Variants in NAV1 observed in about 807,000 individuals in gnomAD.
The protein encoded by NAV1 is pore membrane and/or filament interacting like protein 3.
A neutral mutation model predicts 175.2 loss-of-function variants in NAV1; 18 were observed. That is an observed-to-expected ratio of 0.10 (90% CI 0.07 to 0.15). The LOEUF (loss-of-function observed/expected upper bound fraction) is 0.15, where lower values mean the gene tolerates loss of function less well. NAV1 is among the 10% of genes least tolerant of loss of function. NAV1 has a pLI of 1.00. For synonymous variants in NAV1, 897 were observed against 978.7 expected (o/e 0.92, Z 1.56); for missense variants, 1,731 against 2,436.6 (o/e 0.71, Z 6.10).
upstream of NAV1, among the ~76,000 whole-genome samples, chr1:201,620,528 G>A (rs560288825): frequency 5.5e-4 from 76 of 137,942 alleles, no homozygotes; most frequent in African/African-American, 1.8e-3. Flanking sequence ...GCGCAATCTC[G>A]GTGCACTGCA....
At chr1:201,589,549 TG>T (rs1291427326) in intron 2 of NAV1, among the ~76,000 whole-genome samples, 1 of 152,240 alleles carries the variant, frequency 6.6e-6, no homozygotes, top group Non-Finnish European at 1.5e-5. Context: ...TGAAGTGAAG[TG>T]GCATGATCTT....
At chr1:201,584,486 G>A (rs1169801649) in intron 1 of NAV1, among the ~76,000 whole-genome samples, 14 of 152,228 alleles carry the variant, frequency 9.2e-5, no homozygotes, top group Non-Finnish European at 1.9e-4. Context: ...CCTGAGATGT[G>A]TGTGCAGACT....
At position 201,811,994 on chromosome 1, in the gene NAV1, A is replaced by T; in HGVS notation, c.5024+20A>T. 1 of 1,611,402 alleles carries T rather than the reference A, an allele frequency of 6.2e-7. No individual in the cohort carries two copies. The highest frequency in any genetic ancestry group is 8.5e-7 in the Non-Finnish European group (1 of 1,177,488). The stretch of plus-strand genomic sequence containing the variant: ...CTTCAGGTAAGACCTCTAGCTCTGG[A>T]TGAACCTTCTGACCCTACCCAAGAG... On this transcript the variant is annotated intron_variant, in intron 26 of 29. Transcript: ENST00000367296.
intron 2 of NAV1, among the ~76,000 whole-genome samples, chr1:201,605,734 G>A (rs1304819643): frequency 1.3e-5 from 2 of 152,228 alleles, no homozygotes; most frequent in Non-Finnish European, 2.9e-5. Context: ...AGCCATAGGT[G>A]TGGGTGCATC....
intron 15 of NAV1, 32 bp from the exon 20 acceptor site, chr1:201,803,561 T>G: frequency 2.5e-6 from 4 of 1,607,972 alleles, no homozygotes; most frequent in Non-Finnish European, 3.4e-6. Flanking sequence ...CTAAATCTGT[T>G]CTATGTTTTT....
chr1:201,809,220 C>T (rs764054518), exon 21 of NAV1: 11 of 1,613,776 alleles, frequency 6.8e-6, no homozygotes, highest in South Asian at 1.1e-5. Context: ...AGTGACCCTC[C>T]GGGTGGTGGT....
At chr1:201,623,507 A>C in exon 1 of NAV1, 1 of 986,176 alleles carries the variant, frequency 1.0e-6, no homozygotes, top group Non-Finnish European at 1.2e-6. Context: ...AGCCCAGTGC[A>C]GGGCAAGCGC....
chr1:201,587,325 C>T (rs1322076961), intron 1 of NAV1, among the ~76,000 whole-genome samples: 1 of 151,278 alleles, frequency 6.6e-6, no homozygotes, highest in Admixed American at 6.6e-5. Flanking sequence ...GTGAATAACT[C>T]AACTCAAATA....
At chr1:201,652,089 C>G (rs1669226119) in intron 1 of NAV1, among the ~76,000 whole-genome samples, 2 of 151,988 alleles carry the variant, frequency 1.3e-5, no homozygotes, top group Admixed American at 6.5e-5. Context: ...CAGTGTACAG[C>G]AGGGTGGCCT....
chr1:201,647,209 T>A (rs1669004645), upstream of NAV1, among the ~76,000 whole-genome samples: 1 of 152,174 alleles, frequency 6.6e-6, no homozygotes, highest in Non-Finnish European at 1.5e-5. Flanking sequence ...ATGGGCAGTG[T>A]CCCCTCTACT....
chr1:201,690,612 G>A (rs181812869), intron 1 of NAV1, among the ~76,000 whole-genome samples: 4 of 146,932 alleles, frequency 2.7e-5, no homozygotes, highest in African/African-American at 1.0e-4. Flanking sequence ...TGGCTCGTCT[G>A]TGGCAGAATG....
chr1:201,705,495 G>T (rs1337536638), intron 1 of NAV1, among the ~76,000 whole-genome samples: 2 of 152,166 alleles, frequency 1.3e-5, no homozygotes, highest in South Asian at 4.1e-4. Context: ...AGATGGTTCC[G>T]GATTCTCTGG....
At chr1:201,648,732 G>A (rs1437452360) in exon 1 of NAV1, 19 of 1,413,858 alleles carry the variant, frequency 1.3e-5, no homozygotes, top group Non-Finnish European at 1.7e-5. Flanking sequence ...CGGCGGCGAC[G>A]AGGGCGCGGA....
chr1:201,569,566 A>G (rs1666468279), intron 1 of NAV1, among the ~76,000 whole-genome samples: 1 of 152,180 alleles, frequency 6.6e-6, no homozygotes, highest in Non-Finnish European at 1.5e-5. Context: ...CCCAGCTGAC[A>G]TCATATAAGA....
chr1:201,775,631 A>G (rs533065620), intron 3 of NAV1, among the ~76,000 whole-genome samples: 3 of 152,368 alleles, frequency 2.0e-5, no homozygotes, highest in Non-Finnish European at 4.4e-5. Flanking sequence ...GAAACTATGC[A>G]AGGACATTGG....
chr1:201,722,834 G>A (rs571230421), intron 3 of NAV1, among the ~76,000 whole-genome samples: 179 of 152,278 alleles, frequency 1.2e-3, no homozygotes, highest in Non-Finnish European at 1.6e-3. Flanking sequence ...GGCCAGGCGC[G>A]GTGGCTCACA....
intron 2 of NAV1, among the ~76,000 whole-genome samples, chr1:201,599,412 C>T (rs992308160): frequency 3.9e-5 from 6 of 152,228 alleles, no homozygotes; most frequent in Non-Finnish European, 5.9e-5. Flanking sequence ...TCTCCTTGGA[C>T]GGCCCCTTCC....
intron 3 of NAV1, among the ~76,000 whole-genome samples, chr1:201,773,498 G>A (rs1296121144): frequency 1.3e-5 from 2 of 152,252 alleles, no homozygotes; most frequent in Non-Finnish European, 2.9e-5. Flanking sequence ...GTCTTTCACA[G>A]TGGCTCAAGT....
At chr1:201,817,985 T>C (rs922097883) in intron 29 of NAV1, among the ~76,000 whole-genome samples, 14 of 151,940 alleles carry the variant, frequency 9.2e-5, no homozygotes, top group Admixed American at 4.6e-4. Context: ...TCCAGCAGTT[T>C]GGGAGGCTGA....
Sources: gnomAD v4.1 joint callset for allele counts (sites outside exome capture counted in the v4.1 genomes callset) on GRCh38, gnomAD v4.1.1 for gene constraint, MANE v1.5 for transcripts, NCBI Gene and HGNC (gene_info 2026-07-23, HGNC 2026-07-21) for gene names.